RTKN2: variants seen among roughly 807,000 people sequenced by gnomAD.
RTKN2 encodes the protein rhotekin 2, also known as rhotekin-2.
RTKN2 carries 69 observed loss-of-function variants against 71.5 expected under a neutral mutation model. That is an observed-to-expected ratio of 0.96 (90% CI 0.79 to 1.18). The LOEUF (loss-of-function observed/expected upper bound fraction) is 1.18. RTKN2 is among the 50% of genes most tolerant of loss of function. The pLI, the probability that RTKN2 is intolerant of heterozygous loss-of-function variation, is 0.00. For missense variants in RTKN2, 724 were observed against 719.7 expected (o/e 1.01, Z -0.07); for synonymous variants, 236 against 236.5 (o/e 1.00, Z 0.02).
At chr10:62,267,423 C>T (rs901541651) in intron 1 of RTKN2, among the ~76,000 whole-genome samples, 5 of 152,094 alleles carry the variant, frequency 3.3e-5, no homozygotes, top group Admixed American at 1.3e-4. Context: ...AATGGCAATT[C>T]ACTATAAATC....
Position 62,199,821 on chromosome 10 carries a change from C to T in RTKN2, c.1227G>A (p.Glu409=). 3.1e-6 allele frequency: 5 copies of T among 1,613,532 alleles called. No individual in the cohort carries two copies. In the South Asian group the frequency reaches 5.5e-5, roughly 18 times the overall value. ...KHCCEELMKI[E]IMSPRKPPLF... ...AAGGTGGTTTCCGTGGTGACATAATCTCAATTTTCATAAGTTCTTCACAAC... is the reference window on the plus strand; with the variant it reads ...AAGGTGGTTTCCGTGGTGACATAATTTCAATTTTCATAAGTTCTTCACAAC... Residue 409 remains glutamate (E), a synonymous_variant, in exon 11 of 12, where the codon GAG becomes GAA. Transcript: ENST00000373789.
At chr10:62,239,581 A>T in intron 5 of RTKN2, 67 bp downstream of exon 5, 1 of 687,774 alleles carries the variant, frequency 1.5e-6, no homozygotes, top group South Asian at 2.2e-5. Context: ...ACCAATAATA[A>T]GAACTTTCTT....
chr10:62,267,266 C>A (rs1363794525), intron 1 of RTKN2, among the ~76,000 whole-genome samples: 2 of 152,158 alleles, frequency 1.3e-5, no homozygotes, highest in Admixed American at 6.5e-5. Context: ...TATATTTAAA[C>A]ATTTATTTTC....
chr10:62,222,612 G>A (rs1481155706), intron 7 of RTKN2, among the ~76,000 whole-genome samples: 1 of 152,124 alleles, frequency 6.6e-6, no homozygotes, highest in East Asian at 1.9e-4. Context: ...ATGAACAAAA[G>A]TAAATAACCC....
At chr10:62,199,688 G>T in intron 11 of RTKN2, 66 bp downstream of exon 11, 2 of 903,196 alleles carry the variant, frequency 2.2e-6, no homozygotes, top group Non-Finnish European at 3.5e-6. Flanking sequence ...AATAGAATAA[G>T]CTGCTTCAGT....
chr10:62,217,673 C>T lies in RTKN2; in HGVS notation c.889-424G>A, dbSNP rs568458609. Among the ~76,000 whole-genome samples, 6 of 152,250 alleles carry T rather than the reference C, an allele frequency of 3.9e-5. No individual in the cohort carries two copies. In the South Asian group the frequency reaches 1.2e-3, roughly 32 times the overall value. On this transcript the variant is annotated intron_variant, in intron 8 of 11. Coordinates refer to ENST00000373789, the MANE Select transcript of RTKN2 (RefSeq NM_145307.4). ...TCAGAGCATCGGAAAATGTCAACTA[C>T]CCTTTAAGAATGCAAATTTTCTTTC...
At chr10:62,210,236 ATATAAT>A (rs1841632326) in intron 9 of RTKN2, among the ~76,000 whole-genome samples, 1 of 152,216 alleles carries the variant, frequency 6.6e-6, no homozygotes, top group Non-Finnish European at 1.5e-5. Flanking sequence ...TATTAACTAC[ATATAAT>A]TATATCTACA....
At chr10:62,233,748 T>C (rs1589366095) in intron 6 of RTKN2, among the ~76,000 whole-genome samples, 1 of 152,178 alleles carries the variant, frequency 6.6e-6, no homozygotes, top group Non-Finnish European at 1.5e-5. Context: ...AAAGACACTA[T>C]GCTAGAGTGC....
chr10:62,218,761 G>A (rs1379650661), intron 7 of RTKN2, among the ~76,000 whole-genome samples: 4 of 152,142 alleles, frequency 2.6e-5, no homozygotes, highest in Non-Finnish European at 5.9e-5. Flanking sequence ...CGAGGCAGGC[G>A]GATCACTTGA....
chr10:62,258,255 G>A (rs1459622129), intron 2 of RTKN2, among the ~76,000 whole-genome samples: 3 of 152,106 alleles, frequency 2.0e-5, no homozygotes, highest in African/African-American at 7.2e-5. Context: ...GAACTTCTTA[G>A]GACATTAGGA....
chr10:62,196,937 CACT>C lies in RTKN2; in HGVS notation c.*968_*970del. The C allele has an allele frequency of 4.1e-6, 4 of 982,624 alleles. No individual in the cohort carries two copies. Among genetic ancestry groups the C allele is most frequent in the Non-Finnish European group, 4.8e-6 (4 of 827,622 alleles). 60.9% of individuals were successfully genotyped at this position (982,624 alleles called of 1,614,324 possible). On this transcript the variant is annotated 3_prime_UTR_variant, in exon 12 of 12. Coordinates refer to ENST00000373789, the MANE Select transcript of RTKN2 (RefSeq NM_145307.4). ...CCTCCTATGGAAATGATTCCAATGT[CACT>C]GTTGTAAGAATATGACATTTAATGA... is the stretch of plus-strand genomic sequence containing the variant.
intron 1 of RTKN2, among the ~76,000 whole-genome samples, chr10:62,263,030 C>A (rs1013125035): frequency 6.6e-6 from 1 of 152,068 alleles, no homozygotes; most frequent in Non-Finnish European, 1.5e-5. Context: ...TCTAAAGAAA[C>A]GGAATAAACG....
chr10:62,254,336 C>T (rs2116581), intron 2 of RTKN2, among the ~76,000 whole-genome samples: 114,840 of 152,020 alleles, frequency 0.76, 43,515 homozygotes, highest in East Asian at 0.9. Context: ...CTCGCTCTTC[C>T]GTCGCCATGT....
At chr10:62,231,893 G>A (rs1329096919) in intron 6 of RTKN2, among the ~76,000 whole-genome samples, 7 of 152,136 alleles carry the variant, frequency 4.6e-5, no homozygotes, top group Admixed American at 3.9e-4. Flanking sequence ...TATGCATCCT[G>A]ATTTTTAAAC....
chr10:62,236,250 G>A lies in RTKN2; in HGVS notation c.502C>T (p.Pro168Ser), dbSNP rs377167130. The change falls in exon 6 of 12, where the codon CCA (proline) becomes TCA (serine). Residue 168 changes from proline to serine, a missense_variant. By Grantham distance (74) the Pro-to-Ser change is moderately conservative. Transcript: ENST00000373789. ...ENVTIFNEAG[P>S]DFQIKVEVYS... ...ACTTCCACCTTTATCTGAAAGTCTG[G>A]CCCTGCTTCATTACTAAAAACAAGG... 97 of 1,604,640 alleles carry A rather than the reference G, an allele frequency of 6.0e-5. No individual in the cohort carries two copies. The highest frequency in any genetic ancestry group is 7.7e-5 in the Non-Finnish European group (91 of 1,175,022).
rs138653126 is a variant in RTKN2 at position 62,222,235 on chromosome 10, A to T, written c.781+1003T>A. ...GCGATCCTCCTACCTCAGTATCCTG[A>T]GTAGCTGGGATTACATGCATGCACG... On this transcript the variant is annotated intron_variant, in intron 7 of 11. Coordinates refer to ENST00000373789, the MANE Select transcript of RTKN2 (RefSeq NM_145307.4). Among the ~76,000 whole-genome samples, 497 of 152,056 alleles carry T rather than the reference A, an allele frequency of 3.3e-3. 4 individuals carry two copies. The highest frequency in any genetic ancestry group is 0.01 in the African/African-American group (418 of 41,474).
At chr10:62,222,625 A>G (rs1841934358) in intron 7 of RTKN2, among the ~76,000 whole-genome samples, 1 of 152,196 alleles carries the variant, frequency 6.6e-6, no homozygotes, top group South Asian at 2.1e-4. Flanking sequence ...AATAACCCAA[A>G]TCATACTTCC....
rs537286290 is a variant in RTKN2 at position 62,228,872 on chromosome 10, T to C, written c.687-5540A>G. Among the ~76,000 whole-genome samples, 6 of 152,306 alleles carry C rather than the reference T, an allele frequency of 3.9e-5. No homozygotes were observed. The East Asian group carries it at 1.2e-3, about 29-fold the overall frequency. ...TTACTTCAGTAATACCAATGACATA[T>C]GAAACAAAGTTATCAGCTATGAATG... is the stretch of plus-strand genomic sequence containing the variant. On this transcript the variant is annotated intron_variant, in intron 6 of 11. Transcript: ENST00000373789.
intron 9 of RTKN2, among the ~76,000 whole-genome samples, chr10:62,206,327 G>C (rs148749978): frequency 6.2e-4 from 94 of 152,272 alleles, no homozygotes; most frequent in African/African-American, 2.1e-3. Context: ...AAAGTGTGAA[G>C]AGAGGCTATA....
Sources: allele counts gnomAD v4.1 joint callset (sites outside exome capture counted in the v4.1 genomes callset), GRCh38; gene constraint gnomAD v4.1.1; transcripts MANE v1.5; gene names NCBI Gene and HGNC (gene_info 2026-07-23, HGNC 2026-07-21).